Variants in CPA6 observed in about 807,000 individuals in gnomAD.
CPA6 encodes the protein carboxypeptidase B.
Under a neutral mutation model 63.3 loss-of-function variants are expected in CPA6, and 58 were observed. The ratio of observed to expected loss-of-function variants is 0.92; its 90% CI spans 0.74 to 1.14. The LOEUF is 1.14. Ranked by LOEUF, CPA6 falls within the 50% of genes most tolerant of loss-of-function variation. The probability of loss-of-function intolerance (pLI) is 0.00; values close to 1 mark genes in which losing one functional copy is unlikely to be tolerated. For missense variants in CPA6, 565 were observed against 526.6 expected (o/e 1.07, Z -0.71); for synonymous variants, 185 against 179.0 (o/e 1.03, Z -0.27).
intron 1 of CPA6, among the ~76,000 whole-genome samples, chr8:67,668,158 C>A (rs10087670): frequency 0.14 from 21,379 of 152,208 alleles, 3,427 homozygotes; most frequent in African/African-American, 0.39. Context: ...ACATGCTTTG[C>A]CTCCAAATTA....
chr8:67,539,645 G>A (rs1420123601), intron 2 of CPA6, among the ~76,000 whole-genome samples: 7 of 152,116 alleles, frequency 4.6e-5, no homozygotes, highest in African/African-American at 1.4e-4. Context: ...ATCAAATGTA[G>A]GTTTGGTCTT....
intron 2 of CPA6, chr8:67,569,966 T>C (rs1813444075): frequency 6.4e-6 from 1 of 156,134 alleles, no homozygotes; most frequent in Non-Finnish European, 1.4e-5. Context: ...CGTGTGAAAA[T>C]TAAGGACACA....
intron 2 of CPA6, among the ~76,000 whole-genome samples, chr8:67,519,939 A>AT (rs1459916218): frequency 6.6e-6 from 1 of 151,614 alleles, no homozygotes; most frequent in East Asian, 1.9e-4. Context: ...ATTTATTTTT[A>AT]TTTTTTTGGC....
At chr8:67,463,451 AAAAT>A (rs771013655) in intron 8 of CPA6, among the ~76,000 whole-genome samples, 6 of 142,186 alleles carry the variant, frequency 4.2e-5, no homozygotes, top group East Asian at 4.0e-4. Flanking sequence ...CTCTCTCTCA[AAAAT>A]AAATAAATAA....
chr8:67,680,392 A>C (rs558135229), intron 1 of CPA6, among the ~76,000 whole-genome samples: 1 of 151,096 alleles, frequency 6.6e-6, no homozygotes, highest in African/African-American at 2.4e-5. Context: ...AGTCCTAGCT[A>C]TTTAGGAGGC....
chr8:67,538,682 C>A (rs959141302), intron 2 of CPA6, among the ~76,000 whole-genome samples: 1 of 151,716 alleles, frequency 6.6e-6, no homozygotes, highest in African/African-American at 2.4e-5. Context: ...TTTTTCTTGA[C>A]GGAGTCTTGC....
chr8:67,553,296 T>C (rs1487702833), intron 2 of CPA6, among the ~76,000 whole-genome samples: 1 of 152,212 alleles, frequency 6.6e-6, no homozygotes, highest in African/African-American at 2.4e-5. Flanking sequence ...ATCTATTCTA[T>C]ACCAAGCACC....
At chr8:67,654,092 C>A (rs1309053934) in intron 1 of CPA6, among the ~76,000 whole-genome samples, 2 of 152,044 alleles carry the variant, frequency 1.3e-5, no homozygotes, top group African/African-American at 2.4e-5. Context: ...GGGATGAAGC[C>A]CACTTGATCA....
At chr8:67,501,917 T>G (rs1286252954) in intron 6 of CPA6, among the ~76,000 whole-genome samples, 1 of 152,214 alleles carries the variant, frequency 6.6e-6, no homozygotes, top group African/African-American at 2.4e-5. Context: ...ATATTTGTAA[T>G]AGTTATAGGG....
At chr8:67,502,813 A>T (rs1379282350) in intron 6 of CPA6, among the ~76,000 whole-genome samples, 1 of 152,068 alleles carries the variant, frequency 6.6e-6, no homozygotes, top group Non-Finnish European at 1.5e-5. Context: ...ATCAATTACT[A>T]GTTTGATTTC....
At chr8:67,658,163 A>C (rs916685647) in intron 1 of CPA6, among the ~76,000 whole-genome samples, 2 of 152,168 alleles carry the variant, frequency 1.3e-5, no homozygotes, top group African/African-American at 2.4e-5. Context: ...CACCCACCTA[A>C]CAGAATTTTT....
intron 8 of CPA6, among the ~76,000 whole-genome samples, chr8:67,434,929 G>A (rs1171575667): frequency 6.6e-6 from 1 of 152,244 alleles, no homozygotes; most frequent in Non-Finnish European, 1.5e-5. Context: ...CTAGCCTGGA[G>A]CAGGCGCCTG....
chr8:67,511,791 G>A, intron 3 of CPA6, 136 bp from the exon 4 acceptor site: 7 of 612,330 alleles, frequency 1.1e-5, no homozygotes, highest in South Asian at 4.2e-5. Flanking sequence ...CCAAATGTTG[G>A]GAAAATGTTA....
chr8:67,699,217 A>G (rs1816969859), intron 1 of CPA6, among the ~76,000 whole-genome samples: 1 of 152,178 alleles, frequency 6.6e-6, no homozygotes, highest in Admixed American at 6.5e-5. Context: ...CAGGAGTTTG[A>G]GACCAGCCTG....
chr8:67,714,232 T>C (rs1431879890), intron 1 of CPA6, among the ~76,000 whole-genome samples: 1 of 152,194 alleles, frequency 6.6e-6, no homozygotes, highest in Admixed American at 6.5e-5. Context: ...AGAGGATTAT[T>C]CCAGTGATGA....
intron 2 of CPA6, among the ~76,000 whole-genome samples, chr8:67,614,801 C>G (rs1342865375): frequency 6.6e-6 from 1 of 152,096 alleles, no homozygotes; most frequent in Non-Finnish European, 1.5e-5. Context: ...ACATGAGCTC[C>G]CCTTCTCCAT....
chr8:67,489,328 A>G (rs1447347379), intron 6 of CPA6, among the ~76,000 whole-genome samples: 1 of 152,122 alleles, frequency 6.6e-6, no homozygotes, highest in Non-Finnish European at 1.5e-5. Flanking sequence ...TTCGTTTCTC[A>G]TATATTGATT....
intron 10 of CPA6, among the ~76,000 whole-genome samples, chr8:67,422,925 C>T (rs1587407714): frequency 1.3e-5 from 2 of 152,296 alleles, no homozygotes; most frequent in African/African-American, 4.8e-5. Flanking sequence ...GCCTTACCAG[C>T]ACGAAGACTA....
At chr8:67,606,404 T>C (rs963104100) in intron 2 of CPA6, among the ~76,000 whole-genome samples, 5 of 152,120 alleles carry the variant, frequency 3.3e-5, no homozygotes, top group Non-Finnish European at 7.4e-5. Flanking sequence ...CTATGCTCTT[T>C]TACTCACTAT....
Sources: gnomAD v4.1 joint callset for allele counts (sites outside exome capture counted in the v4.1 genomes callset) on GRCh38, gnomAD v4.1.1 for gene constraint, MANE v1.5 for transcripts, NCBI Gene and HGNC (gene_info 2026-07-23, HGNC 2026-07-21) for gene names.